The following FRMD8 variants were observed in gnomAD, a reference collection of about 807,000 sequenced individuals.
The protein encoded by FRMD8 is FERM domain containing 8.
In FRMD8, 37 loss-of-function variants were observed where a neutral mutation model predicts 54.2. That is an observed-to-expected ratio of 0.68 (90% CI 0.53 to 0.90). The LOEUF (loss-of-function observed/expected upper bound fraction) is 0.90. Among genes scored for constraint, FRMD8 ranks in the 40% least tolerant of loss-of-function variants. FRMD8 has a pLI of 0.00. For synonymous variants in FRMD8, 246 were observed against 286.9 expected, an observed-to-expected ratio of 0.86 and a Z score of 1.44; for missense variants, 585 against 653.7, an observed-to-expected ratio of 0.89 and a Z score of 1.15.
the FRMD8 span, chr11:65,377,347 G>A: frequency 7.5e-7 from 1 of 1,331,282 alleles, no homozygotes; most frequent in Non-Finnish European, 9.6e-7. Flanking sequence ...CCTACAGCAG[G>A]CACTCAGAAC....
At chr11:65,379,154 C>T in the FRMD8 span, 27 of 574,152 alleles carry the variant, frequency 4.7e-5, no homozygotes, top group Non-Finnish European at 7.7e-5. Context: ...TCCCAGCACC[C>T]TCTTGGCACT....
intron 6 of FRMD8, among the ~76,000 whole-genome samples, chr11:65,396,499 T>C (rs1322125663): frequency 6.6e-6 from 1 of 151,826 alleles, no homozygotes; most frequent in Non-Finnish European, 1.5e-5. Context: ...GGTGGGGGTG[T>C]CACCATCCCC....
chr11:65,376,831 T>C, the FRMD8 span: 2 of 1,614,234 alleles, frequency 1.2e-6, no homozygotes, highest in Non-Finnish European at 1.7e-6. Context: ...GATTCTGGCC[T>C]TCTGGTGTGT....
At chr11:65,379,918 G>A in the FRMD8 span, 1 of 1,614,226 alleles carries the variant, frequency 6.2e-7, no homozygotes, top group Non-Finnish European at 8.5e-7. Flanking sequence ...CCCGGTAGGT[G>A]GTCTGGGTCT....
chr11:65,394,180 C>T, intron 5 of FRMD8, 79 bp from the exon 6 acceptor site: 1 of 1,597,918 alleles, frequency 6.3e-7, no homozygotes, highest in Non-Finnish European at 8.5e-7. Context: ...TGGACATTCG[C>T]ACCTTGCCCC....
chr11:65,376,251 T>C, the FRMD8 span: 5 of 916,332 alleles, frequency 5.5e-6, no homozygotes, highest in Non-Finnish European at 8.1e-6. Flanking sequence ...CTCCCACAGG[T>C]GTCTGCCCAG....
At chr11:65,386,268 G>A (rs905576776), upstream of FRMD8, among the ~76,000 whole-genome samples, 3 of 152,166 alleles carry the variant, frequency 2.0e-5, no homozygotes, top group African/African-American at 4.8e-5. Context: ...AGAGCGCCAC[G>A]GTACAGGCCG....
chr11:65,407,769 T>C (rs944600116), intron 10 of FRMD8, among the ~76,000 whole-genome samples: 18 of 151,080 alleles, frequency 1.2e-4, no homozygotes, highest in African/African-American at 3.4e-4. Flanking sequence ...TGGTGGTGGG[T>C]GCCTGTAGTC....
intron 9 of FRMD8, among the ~76,000 whole-genome samples, chr11:65,401,206 C>A (rs1856070687): frequency 6.6e-6 from 1 of 152,092 alleles, no homozygotes; most frequent in Non-Finnish European, 1.5e-5. Context: ...TTCACAGTCA[C>A]CTGCGGTGGG....
At chr11:65,393,334 C>G (rs1590649683) in intron 3 of FRMD8, among the ~76,000 whole-genome samples, 1 of 152,360 alleles carries the variant, frequency 6.6e-6, no homozygotes, top group African/African-American at 2.4e-5. Flanking sequence ...CTGCCTGGAG[C>G]CAGACCCCCG....
In FRMD8 at chr11:65,397,028, C is replaced by T; in HGVS notation, c.803+8C>T. 1.4e-6 allele frequency: 2 copies of T among 1,419,844 alleles called. No individual in the cohort carries two copies. The highest frequency in any genetic ancestry group is 2.8e-5 in the East Asian group (1 of 35,528). 88.0% of individuals were successfully genotyped at this position (1,419,844 alleles called of 1,614,324 possible). A position where few individuals can be genotyped will look rare whatever the true frequency, so the allele number is the denominator to read the frequency against. ...CGAGCTGCCGTTTTATGGGTAAGAG[C>T]CACAGCCCCGCGGTCCCCCACCCCC... On this transcript the variant is annotated splice_region_variant and intron_variant, in intron 7 of 10. Transcript: ENST00000317568.
chr11:65,389,866 C>T (rs1458479752), intron 3 of FRMD8, among the ~76,000 whole-genome samples: 5 of 152,216 alleles, frequency 3.3e-5, no homozygotes, highest in African/African-American at 1.2e-4. Context: ...TTGCCACAAC[C>T]TGGGTGGTGT....
intron 10 of FRMD8, among the ~76,000 whole-genome samples, chr11:65,407,965 C>T (rs1023931663): frequency 6.6e-6 from 1 of 151,782 alleles, no homozygotes; most frequent in East Asian, 1.9e-4. Flanking sequence ...CAGCTGTGGC[C>T]GTCAGCGGCT....
intron 6 of FRMD8, 84 bp downstream of exon 6, chr11:65,394,509 C>G: frequency 6.8e-7 from 1 of 1,472,622 alleles, no homozygotes; most frequent in Non-Finnish European, 9.1e-7. Context: ...TCTTCAGTCT[C>G]GCAAGGTGGG....
In FRMD8 at chr11:65,404,456, C is replaced by T. The variant is rs1258222407; in HGVS notation, c.1072-408C>T. ...GAGCCGCCCGCCCCTGCCCTGGTGACATCGCGCCCCTTCCTCCTGGCTGCA... is the reference window on the plus strand; with the variant it reads ...GAGCCGCCCGCCCCTGCCCTGGTGATATCGCGCCCCTTCCTCCTGGCTGCA... On this transcript the variant is annotated intron_variant, in intron 9 of 10. Coordinates refer to ENST00000317568, the MANE Select transcript of FRMD8 (RefSeq NM_031904.5). This position sits in a 1 kb window ranked among gnomAD's most constrained non-coding sequence, Gnocchi z 4.7. Among the ~76,000 whole-genome samples the T allele has an allele frequency of 6.6e-6, 1 of 152,022 alleles. No homozygotes were observed. Among genetic ancestry groups the T allele is most frequent in the Non-Finnish European group, 1.5e-5 (1 of 67,980 alleles).
intron 10 of FRMD8, among the ~76,000 whole-genome samples, chr11:65,410,378 C>T (rs539639867): frequency 1.3e-5 from 2 of 151,220 alleles, no homozygotes; most frequent in East Asian, 3.9e-4. Context: ...ACCTGTAGTC[C>T]CAGCTACTCA....
At chr11:65,382,930 C>T (rs1342825354), upstream of FRMD8, 1 of 152,408 alleles carries the variant, frequency 6.6e-6, no homozygotes, top group Non-Finnish European at 1.5e-5. This position sits in a 1 kb window ranked among gnomAD's most constrained non-coding sequence, Gnocchi z 4.4. Context: ...CTCTCTTTCT[C>T]CATCACAGTT....
chr11:65,396,078 T>C (rs1236706490), intron 6 of FRMD8, among the ~76,000 whole-genome samples: 1 of 152,180 alleles, frequency 6.6e-6, no homozygotes, highest in Non-Finnish European at 1.5e-5. Flanking sequence ...GTGGGTTCCT[T>C]CCCTTCTGGG....
intron 3 of FRMD8, 120 bp downstream of exon 3, chr11:65,389,648 G>A (rs1855804403): frequency 1.8e-6 from 2 of 1,083,002 alleles, no homozygotes; most frequent in African/African-American, 3.1e-5. Context: ...ATGGGGAAAG[G>A]TGGGACTTGG....
Sources: allele counts gnomAD v4.1 joint callset (sites outside exome capture counted in the v4.1 genomes callset), GRCh38; gene constraint gnomAD v4.1.1; non-coding constraint Gnocchi (gnomAD v3.1); transcripts MANE v1.5; gene names NCBI Gene and HGNC (gene_info 2026-07-23, HGNC 2026-07-21).